Variants in KRT5 observed in about 807,000 individuals in gnomAD.
KRT5 encodes keratin, type II cytoskeletal 5.
Under a neutral mutation model 44.0 loss-of-function variants are expected in KRT5, and 17 were observed. That is an observed-to-expected ratio of 0.39 (90% CI 0.26 to 0.58). The LOEUF (loss-of-function observed/expected upper bound fraction) is 0.58. KRT5 is among the 20% of genes least tolerant of loss of function. KRT5 has a pLI of 0.61. For synonymous variants in KRT5, 329 were observed against 312.8 expected (o/e 1.05, Z -0.55); for missense variants, 737 against 785.5 (o/e 0.94, Z 0.74).
In KRT5 at chr12:52,519,776, G is replaced by T; in HGVS notation, c.521C>A (p.Thr174Asn). ...GAAGGAGGCAAACTTATTGTTGAGG[G>T]TCTTGATCTGCTCGCGCTCCTCGGT... ...VRTEEREQIK[T>N]LNNKFASFID... Residue 174 changes from threonine (T) to asparagine (N), a missense_variant, in exon 1 of 9, where the codon ACC becomes AAC. Physicochemically the swap from Thr to Asn is moderately conservative, Grantham distance 65 (BLOSUM62 0). This residue lies in a region of KRT5 where 326 missense variants were observed against 333.1 expected (regional missense o/e 0.98). Coordinates refer to ENST00000252242, the MANE Select transcript of KRT5 (RefSeq NM_000424.4). 1 of 1,613,970 alleles carries T rather than the reference G, an allele frequency of 6.2e-7. No homozygotes were observed. The highest frequency in any genetic ancestry group is 8.5e-7 in the Non-Finnish European group (1 of 1,179,990).
Position 52,517,884 on chromosome 12 carries a change from A to G in KRT5, c.927+13T>C, listed in dbSNP as rs1273538111. On this transcript the variant is annotated intron_variant, in intron 4 of 8. Transcript: ENST00000252242. Reference sequence around the variant, plus strand: ...AAACCCACCCATGTGAAAAATTTAGATAAGTTTCTTACCGCATCAAAGAAC... The same window carrying G: ...AAACCCACCCATGTGAAAAATTTAGGTAAGTTTCTTACCGCATCAAAGAAC... The G allele has an allele frequency of 4.3e-6, 7 of 1,613,472 alleles. No homozygotes were observed. The highest frequency in any genetic ancestry group is 1.3e-5 in the African/African-American group (1 of 75,058).
At chr12:52,519,522 C>T in intron 1 of KRT5, 1 of 652,800 alleles carries the variant, frequency 1.5e-6, no homozygotes, top group Non-Finnish European at 2.7e-6. Context: ...TTAAGAGGCC[C>T]TTGTGAGCTA....
chr12:52,516,457 G>C, intron 7 of KRT5, 180 bp downstream of exon 7: 2 of 676,700 alleles, frequency 3.0e-6, no homozygotes, highest in South Asian at 3.5e-5. Context: ...TGGGGGAAAA[G>C]AGACCAGAAA....
At position 52,514,619 on chromosome 12, in the gene KRT5, A is replaced by G. The variant is rs550268995; in HGVS notation, c.*323T>C. The stretch of plus-strand genomic sequence containing the variant: ...TATTGAACACATTCTGGAGGTAGTT[A>G]GAACCAAAACAAAATTTGGGATTGG... On this transcript the variant is annotated 3_prime_UTR_variant, in exon 9 of 9. Transcript: ENST00000252242. The G allele has an allele frequency of 2.4e-4, 94 of 397,090 alleles. 1 individual carries two copies. In the South Asian group the frequency reaches 3.6e-3, roughly 15 times the overall value. 24.6% of individuals were successfully genotyped at this position (397,090 alleles called of 1,614,324 possible). A position where few individuals can be genotyped will look rare whatever the true frequency, so the allele number is the denominator to read the frequency against.
intron 1 of KRT5, 36 bp from the exon 2 acceptor site, chr12:52,519,196 G>T: frequency 6.2e-7 from 1 of 1,613,196 alleles, no homozygotes; most frequent in South Asian, 1.1e-5. Flanking sequence ...AGAGAAACTT[G>T]GATTTCATGT....
Position 52,517,881 on chromosome 12 carries a change from T to C in KRT5, c.927+16A>G. 6.2e-7 allele frequency: 1 copy of C among 1,613,392 alleles called. No homozygotes were observed. Among genetic ancestry groups the C allele is most frequent in the South Asian group, 1.1e-5 (1 of 91,080 alleles). On this transcript the variant is annotated intron_variant, in intron 4 of 8. Coordinates refer to ENST00000252242, the MANE Select transcript of KRT5 (RefSeq NM_000424.4). ...AAAAAACCCACCCATGTGAAAAATT[T>C]AGATAAGTTTCTTACCGCATCAAAG...
At chr12:52,519,714 T>G in intron 1 of KRT5, 28 bp downstream of exon 1, 1 of 1,604,338 alleles carries the variant, frequency 6.2e-7, no homozygotes. Flanking sequence ...AGACCCACAG[T>G]GATTTTTTAC....
chr12:52,514,955 C>G lies in KRT5; in HGVS notation c.1760G>C (p.Ser587Thr). Residue 587 changes from serine to threonine, a missense_variant, in exon 9 of 9, where the codon AGC becomes ACC. Physicochemically the swap from Ser to Thr is moderately conservative, Grantham distance 58. Transcript: ENST00000252242. ...FVSTTSSSRKSFKS is the reference protein window; with the variant it reads ...FVSTTSSSRKTFKS ...TGCAGCAGGTTCTTAGCTCTTGAAG[C>G]TCTTCCGGGAGGAGGAGGTGGTGGA... The G allele has an allele frequency of 6.2e-7, 1 of 1,613,716 alleles. No homozygotes were observed. Among genetic ancestry groups the G allele is most frequent in the Non-Finnish European group, 8.5e-7 (1 of 1,179,958 alleles).
At chr12:52,517,332 G>A in intron 5 of KRT5, 100 bp from the exon 6 acceptor site, 1 of 1,447,416 alleles carries the variant, frequency 6.9e-7, no homozygotes, top group Non-Finnish European at 9.6e-7. Context: ...GGCAAATAGT[G>A]TGGGGCTGGT....
In KRT5 at chr12:52,517,580, G is replaced by C. The variant is rs1938630842; in HGVS notation, c.1092+10C>G. The C allele has an allele frequency of 6.2e-7, 1 of 1,613,828 alleles. No individual in the cohort carries two copies. The highest frequency in any genetic ancestry group is 8.5e-7 in the Non-Finnish European group (1 of 1,179,908). On this transcript the variant is annotated intron_variant, in intron 5 of 8. Transcript: ENST00000252242. ...CCCCTCACTCAGGAGACAGTCATCAGAGCACCCACCTTGGTCTGATACCAG... is the reference window on the plus strand; with the variant it reads ...CCCCTCACTCAGGAGACAGTCATCACAGCACCCACCTTGGTCTGATACCAG...
At position 52,520,386 on chromosome 12, in the gene KRT5, G is replaced by A; in HGVS notation, c.-90C>T. On this transcript the variant is annotated 5_prime_UTR_variant, in exon 1 of 9. Transcript: ENST00000252242. ...CAGAGCTCAGCAGGACGCAGAAGGT[G>A]GCTCTGTTACCCAGGAACGGTGATG... 1 of 1,279,262 alleles carries A rather than the reference G, an allele frequency of 7.8e-7. No homozygotes were observed. Among genetic ancestry groups the A allele is most frequent in the South Asian group, 1.2e-5 (1 of 80,886 alleles). 79.2% of individuals were successfully genotyped at this position (1,279,262 alleles called of 1,614,324 possible).
chr12:52,517,357 G>A lies in KRT5; in HGVS notation c.1093-125C>T, dbSNP rs910947652. 8.9e-6 allele frequency: 11 copies of A among 1,234,570 alleles called. No individual in the cohort carries two copies. In the African/African-American group the frequency reaches 1.6e-4, roughly 18 times the overall value. The allele number at this position is 1,234,570 out of a possible 1,614,324, so 76.5% of individuals were successfully genotyped here. On this transcript the variant is annotated intron_variant, in intron 5 of 8. Coordinates refer to ENST00000252242, the MANE Select transcript of KRT5 (RefSeq NM_000424.4). ...GTGGGGCTGGTTCAGGCTTTTCCAA[G>A]GCTGAGCTAGTCTAGTGCCTTTGCT...
In KRT5 at chr12:52,519,404, G is replaced by A. The variant is rs183533103; in HGVS notation, c.556-244C>T. On this transcript the variant is annotated intron_variant, in intron 1 of 8. Coordinates refer to ENST00000252242, the MANE Select transcript of KRT5 (RefSeq NM_000424.4). ...GCTGCTTGGAGTGTGTCCCGGCTCA[G>A]GGGTGGCTGCAAAGGCACTCAGGCT... The A allele has an allele frequency of 2.4e-5, 16 of 664,898 alleles. No individual in the cohort carries two copies. In the Admixed American group the frequency reaches 4.0e-4, roughly 16 times the overall value. 41.2% of individuals were successfully genotyped at this position (664,898 alleles called of 1,614,324 possible). A position where few individuals can be genotyped will look rare whatever the true frequency, so the allele number is the denominator to read the frequency against.
At chr12:52,518,569 C>T (rs7315406) in intron 2 of KRT5, 72,478 of 539,468 alleles carry the variant, frequency 0.13, 5,407 homozygotes, top group Middle Eastern at 0.19. Context: ...AAAGAAATTA[C>T]TTGAGCCACC....
Position 52,516,843 on chromosome 12 carries a change from C to A in KRT5, c.1233G>T (p.Gln411His). 6.2e-7 allele frequency: 1 copy of A among 1,614,202 alleles called. No individual in the cohort carries two copies. Among genetic ancestry groups the A allele is most frequent in the South Asian group, 1.1e-5 (1 of 91,086 alleles). Residue 411 changes from glutamine (Q) to histidine (H), a missense_variant, in exon 7 of 9, where the codon CAG becomes CAT. Coordinates refer to ENST00000252242, the MANE Select transcript of KRT5 (RefSeq NM_000424.4). ...GCTGCTCGGCATCCGCAATGGCGTTCTGCAGATTGGCGCACTACAGATAGA... is the reference window on the plus strand; with the variant it reads ...GCTGCTCGGCATCCGCAATGGCGTTATGCAGATTGGCGCACTACAGATAGA... Reference protein sequence around the residue: ...DNVKKQCANLQNAIADAEQRG... With the variant: ...DNVKKQCANLHNAIADAEQRG...
intron 8 of KRT5, 49 bp from the exon 9 acceptor site, chr12:52,515,289 C>T (rs554260815): frequency 3.1e-6 from 5 of 1,600,112 alleles, no homozygotes; most frequent in Non-Finnish European, 4.2e-6. Flanking sequence ...CCAGGCTGAT[C>T]CTGCATGGCC....
In KRT5 at chr12:52,517,242, C is replaced by A; in HGVS notation, c.1093-10G>T. 1.2e-6 allele frequency: 2 copies of A among 1,613,880 alleles called. No homozygotes were observed. The highest frequency in any genetic ancestry group is 1.7e-6 in the Non-Finnish European group (2 of 1,179,970). On this transcript the variant is annotated splice_polypyrimidine_tract_variant and intron_variant, in intron 5 of 8. Coordinates refer to ENST00000252242, the MANE Select transcript of KRT5 (RefSeq NM_000424.4). ...GCTGCAGCTCCTCATACTGATGCAG[C>A]CAGGAAAGAGGAAAGATTCTGTTTA...
In KRT5 at chr12:52,520,155, T is replaced by G. The variant is rs61747180; in HGVS notation, c.142A>C (p.Arg48=). The G allele has an allele frequency of 4.3e-3, 6,949 of 1,613,776 alleles. 207 individuals are homozygous for G. In the African/African-American group the frequency reaches 0.07, roughly 16 times the overall value. Residue 48 remains arginine (R), a synonymous_variant, in exon 1 of 9, where the codon AGG becomes CGG. Transcript: ENST00000252242. Reference sequence around the variant, plus strand: ...CCACAAGCACCCGCAAGGCTGACCCTGCCGAAGCCACCACCACCGCCACCC... The same window carrying G: ...CCACAAGCACCCGCAAGGCTGACCCGGCCGAAGCCACCACCACCGCCACCC... ...SGGGGGGGFG[R]VSLAGACGVG... is the part of the protein sequence containing the mutation.
Position 52,520,221 on chromosome 12 carries a change from A to C in KRT5, c.76T>G (p.Ser26Ala). The C allele has an allele frequency of 1.2e-6, 2 of 1,614,070 alleles. No homozygotes were observed. The highest frequency in any genetic ancestry group is 1.7e-6 in the Non-Finnish European group (2 of 1,180,020). Residue 26 changes from serine (S) to alanine (A), a missense_variant, in exon 1 of 9, where the codon TCT (serine) becomes GCT (alanine). Ser to Ala is a moderately conservative substitution (Grantham distance 99, BLOSUM62 1). Transcript: ENST00000252242. ...GAGGTGAAGCTGGTGCGGGAGACAG[A>C]CGGGGTGATGGCAGAGGCGGTGCTG... ...SFSTASAITPSVSRTSFTSVS... is the reference protein window; with the variant it reads ...SFSTASAITPAVSRTSFTSVS...
Sources: gnomAD v4.1 joint callset for allele counts on GRCh38, gnomAD v4.1.1 for gene constraint, gnomAD v4.1.1 regional missense constraint, MANE v1.5 for transcripts, NCBI Gene and HGNC (gene_info 2026-07-23, HGNC 2026-07-21) for gene names.